The following EDA variants were observed in gnomAD, a reference collection of about 807,000 sequenced individuals.
The protein encoded by EDA is ectodysplasin A.
Under a neutral mutation model 23.6 loss-of-function variants are expected in EDA, and 2 were observed. That is an observed-to-expected ratio of 0.08 (90% confidence interval 0.03 to 0.27). EDA has a LOEUF of 0.27. Among genes scored for constraint, EDA ranks in the 10% least tolerant of loss-of-function variants. The pLI is 1.00. For synonymous variants in EDA, 131 were observed against 132.0 expected, an observed-to-expected ratio of 0.99 and a Z score of 0.05; for missense variants, 229 against 324.2, an observed-to-expected ratio of 0.71 and a Z score of 2.26.
At chrX:69,936,547 G>T (rs753299974) in intron 1 of EDA, among the ~76,000 whole-genome samples, 5 of 112,031 alleles carry the variant, frequency 4.5e-5, no homozygotes, top group South Asian at 3.7e-4. Flanking sequence ...TTGACAGTTT[G>T]CACAATAAAT....
At chrX:69,817,481 T>G (rs1004956653) in intron 1 of EDA, among the ~76,000 whole-genome samples, 1 of 111,768 alleles carries the variant, frequency 8.9e-6, no homozygotes, top group Non-Finnish European at 1.9e-5. Context: ...ACCCATCTCA[T>G]GTGCAAAGAC....
intron 2 of EDA, among the ~76,000 whole-genome samples, chrX:70,002,266 T>C (rs1285621924): frequency 6.3e-5 from 7 of 110,246 alleles, no homozygotes; most frequent in Non-Finnish European, 1.3e-4. Context: ...ATATTCATAG[T>C]GTTAAGGTTT....
Position 69,782,043 on chromosome X carries a change from C to T in EDA, c.396+165339C>T, listed in dbSNP as rs181982716. Among the ~76,000 whole-genome samples the T allele has an allele frequency of 4.3e-3, 473 of 109,237 alleles. 3 individuals are homozygous for T. The highest frequency in any genetic ancestry group is 0.015 in the African/African-American group (448 of 30,011). The allele number at this position is 109,237 out of a possible 115,157, so 94.9% of individuals were successfully genotyped here. A position where few individuals can be genotyped will look rare whatever the true frequency, so the allele number is the denominator to read the frequency against. On this transcript the variant is annotated intron_variant, in intron 1 of 7. Transcript: ENST00000374552. Reference sequence around the variant, plus strand: ...CAAGTTGGGTAGACTTTGGAGGATACGGCAGGTGCTAAATCTTAGAAGAAT... The same window carrying T: ...CAAGTTGGGTAGACTTTGGAGGATATGGCAGGTGCTAAATCTTAGAAGAAT...
At chrX:69,840,418 CAG>C (rs1269549315) in intron 1 of EDA, among the ~76,000 whole-genome samples, 1 of 111,530 alleles carries the variant, frequency 9.0e-6, no homozygotes, top group Non-Finnish European at 1.9e-5. Context: ...TTTGTGTCTC[CAG>C]AATACAGAAC....
intron 1 of EDA, among the ~76,000 whole-genome samples, chrX:69,865,748 T>C (rs2017475807): frequency 9.0e-6 from 1 of 111,580 alleles, no homozygotes; most frequent in Non-Finnish European, 1.9e-5. Flanking sequence ...TTCATAATCT[T>C]CAAATAAAGA....
chrX:69,994,268 G>A lies in EDA; in HGVS notation c.503-28950G>A, dbSNP rs2019627048. On this transcript the variant is annotated intron_variant, in intron 2 of 7. Coordinates refer to ENST00000374552, the MANE Select transcript of EDA (RefSeq NM_001399.5). ...GCTTCAGGTTTCTTCTCTGTAAAAT[G>A]GACATTAACATGAGTTAATGTGAGG... Among the ~76,000 whole-genome samples the A allele has an allele frequency of 2.7e-5, 3 of 111,607 alleles. No individual in the cohort carries two copies. In the South Asian group the frequency reaches 1.1e-3, roughly 42 times the overall value.
intron 1 of EDA, among the ~76,000 whole-genome samples, chrX:69,718,933 A>T (rs950475145): frequency 9.0e-6 from 1 of 111,431 alleles, no homozygotes; most frequent in African/African-American, 3.3e-5. Context: ...GAGCCTGAAG[A>T]TTTCTTTTTC....
At chrX:69,887,024 A>T (rs2017839325) in intron 1 of EDA, among the ~76,000 whole-genome samples, 1 of 112,442 alleles carries the variant, frequency 8.9e-6, no homozygotes, top group South Asian at 3.7e-4. Flanking sequence ...AGAAATGGAG[A>T]TCTACAAATT....
intron 2 of EDA, among the ~76,000 whole-genome samples, chrX:69,987,976 T>C (rs1223396501): frequency 8.9e-6 from 1 of 111,739 alleles, no homozygotes; most frequent in Non-Finnish European, 1.9e-5. Flanking sequence ...AATGGCTCAG[T>C]ATAAGGTAGG....
intron 1 of EDA, among the ~76,000 whole-genome samples, chrX:69,682,802 G>A (rs1934418462): frequency 9.0e-6 from 1 of 111,474 alleles, no homozygotes; most frequent in Non-Finnish European, 1.9e-5. Context: ...CTCCCTGGGA[G>A]CTGTAGACCG....
At chrX:70,019,346 T>C (rs189825032) in intron 2 of EDA, among the ~76,000 whole-genome samples, 1 of 111,803 alleles carries the variant, frequency 8.9e-6, no homozygotes, top group African/African-American at 3.3e-5. Context: ...TTATTGGGTA[T>C]ATACACAAAA....
At chrX:69,772,937 T>G (rs945848749) in intron 1 of EDA, among the ~76,000 whole-genome samples, 1 of 111,710 alleles carries the variant, frequency 9.0e-6, no homozygotes, top group Non-Finnish European at 1.9e-5. Context: ...ATTCAGTGAT[T>G]CCTAGTATAT....
intron 1 of EDA, among the ~76,000 whole-genome samples, chrX:69,826,148 T>C (rs1389858666): frequency 9.0e-6 from 1 of 111,677 alleles, no homozygotes; most frequent in East Asian, 2.8e-4. Context: ...ATAGGTGTGA[T>C]GTGGTGCTGA....
intron 2 of EDA, among the ~76,000 whole-genome samples, chrX:70,018,186 A>C (rs1286379160): frequency 8.9e-6 from 1 of 112,044 alleles, no homozygotes; most frequent in African/African-American, 3.2e-5. Context: ...AGCACTGCTC[A>C]CAGAAATCAG....
intron 1 of EDA, among the ~76,000 whole-genome samples, chrX:69,655,762 C>CTATA (rs3077261): frequency 0.085 from 4,434 of 52,412 alleles, 514 homozygotes; most frequent in African/African-American, 0.2. Flanking sequence ...TCATTAGAAT[C>CTATA]TATATATATA....
At chrX:69,810,780 C>G (rs2015938721) in intron 1 of EDA, among the ~76,000 whole-genome samples, 1 of 109,137 alleles carries the variant, frequency 9.2e-6, no homozygotes, top group Non-Finnish European at 1.9e-5. Context: ...AAATAGAAAC[C>G]TGGGCTTCGG....
chrX:69,788,594 T>C (rs907363691), intron 1 of EDA, among the ~76,000 whole-genome samples: 2 of 112,060 alleles, frequency 1.8e-5, no homozygotes, highest in African/African-American at 6.5e-5. Flanking sequence ...GCCTCCCAGT[T>C]AGGCTGCTCA....
At chrX:69,961,832 T>C (rs2019107168) in intron 2 of EDA, among the ~76,000 whole-genome samples, 1 of 112,370 alleles carries the variant, frequency 8.9e-6, no homozygotes, top group Non-Finnish European at 1.9e-5. Context: ...GTATGATACC[T>C]TCACTGTGGG....
rs544601085 is a variant in EDA at position 69,670,183 on chromosome X, G to GTTTTTTTTTT, written c.396+53489_396+53498dup. 248 of 236,282 alleles carry GTTTTTTTTTT rather than the reference G, an allele frequency of 1.0e-3. 6 individuals are homozygous for GTTTTTTTTTT. The highest frequency in any genetic ancestry group is 1.3e-3 in the African/African-American group (31 of 23,211). 19.5% of individuals were successfully genotyped at this position (236,282 alleles called of 1,213,427 possible). A position where few individuals can be genotyped will look rare whatever the true frequency, so the allele number is the denominator to read the frequency against. ...CTGGGTATAGTATTCTTGGCTGACT[G>GTTTTTTTTTT]TTTTTTTTTTTTTTTTTTTCTTTCA... On this transcript the variant is annotated intron_variant, in intron 1 of 7. Transcript: ENST00000374552.
Sources: gnomAD v4.1 joint callset for allele counts (sites outside exome capture counted in the v4.1 genomes callset) on GRCh38, gnomAD v4.1.1 for gene constraint, MANE v1.5 for transcripts, NCBI Gene and HGNC (gene_info 2026-07-23, HGNC 2026-07-21) for gene names.